CYP2C19: variants seen among roughly 807,000 people sequenced by gnomAD.
CYP2C19 encodes cytochrome P450 2C19.
Under a neutral mutation model 40.9 loss-of-function variants are expected in CYP2C19, and 59 were observed. The observed-to-expected ratio is 1.44, with a 90% confidence interval of 1.17 to 1.79. The LOEUF is 1.79. Ranked by LOEUF, CYP2C19 falls within the 40% of genes most tolerant of loss-of-function variation. The pLI is 0.00. For missense variants in CYP2C19, 754 were observed against 596.9 expected (o/e 1.26, Z -2.74); for synonymous variants, 253 against 208.7 (o/e 1.21, Z -1.83).
In CYP2C19 at chr10:94,839,941, C is replaced by G. The variant is rs905300838; in HGVS notation, c.962-2896C>G. Among the ~76,000 whole-genome samples, 3 of 152,074 alleles carry G rather than the reference C, an allele frequency of 2.0e-5. No individual in the cohort carries two copies. The East Asian group carries it at 5.8e-4, about 29-fold the overall frequency. ...GTTACCTTTTTCTAACCTTATAGCC[C>G]CATACGTTAAGATTTTTGAGTTAGT... is the stretch of plus-strand genomic sequence containing the variant. On this transcript the variant is annotated intron_variant, in intron 6 of 8. Coordinates refer to ENST00000371321, the MANE Select transcript of CYP2C19 (RefSeq NM_000769.4).
intron 1 of CYP2C19, among the ~76,000 whole-genome samples, chr10:94,766,088 A>G (rs1033037217): frequency 2.0e-5 from 3 of 152,128 alleles, no homozygotes; most frequent in Admixed American, 2.0e-4. Flanking sequence ...CATATTTAGA[A>G]GTTGGAAAGG....
chr10:94,780,707 T>G (rs1366992684), intron 4 of CYP2C19, 48 bp downstream of exon 4: 27 of 1,604,394 alleles, frequency 1.7e-5, no homozygotes, highest in Non-Finnish European at 2.2e-5. Context: ...CAGTCTTTTT[T>G]TCTGGGAAAT....
intron 5 of CYP2C19, among the ~76,000 whole-genome samples, chr10:94,805,872 T>C (rs1352710102): frequency 1.3e-5 from 2 of 152,202 alleles, no homozygotes; most frequent in Admixed American, 6.5e-5. Context: ...TCTTTGTCAG[T>C]CTTATGTGCC....
intron 1 of CYP2C19, among the ~76,000 whole-genome samples, chr10:94,767,880 G>C (rs1436265684): frequency 6.6e-6 from 1 of 152,136 alleles, no homozygotes; most frequent in African/African-American, 2.4e-5. Flanking sequence ...TAATCTCTTG[G>C]AGGGGTTTGT....
At chr10:94,833,120 C>A (rs1849356535) in intron 6 of CYP2C19, among the ~76,000 whole-genome samples, 1 of 152,168 alleles carries the variant, frequency 6.6e-6, no homozygotes, top group South Asian at 2.1e-4. Context: ...TATCCTTCAA[C>A]TTTACAGAAT....
intron 6 of CYP2C19, among the ~76,000 whole-genome samples, chr10:94,830,359 G>A (rs1849313826): frequency 6.6e-6 from 1 of 152,244 alleles, no homozygotes; most frequent in East Asian, 1.9e-4. Context: ...ATCTCGTGGT[G>A]CACCGTTTTT....
At chr10:94,766,304 T>TCGTA (rs113927974) in intron 1 of CYP2C19, among the ~76,000 whole-genome samples, 2 of 151,160 alleles carry the variant, frequency 1.3e-5, no homozygotes, top group Non-Finnish European at 2.9e-5. Context: ...GGAGGGGTGA[T>TCGTA]TGAGGTATCC....
In CYP2C19 at chr10:94,766,147, G is replaced by GT. The variant is rs58247834; in HGVS notation, c.168+3280dup. Among the ~76,000 whole-genome samples, 711 of 152,200 alleles carry GT rather than the reference G, an allele frequency of 4.7e-3. 3 individuals carry two copies. Among genetic ancestry groups the GT allele is most frequent in the African/African-American group, 0.017 (688 of 41,544 alleles). ...GGTAGGTTAATTTGGTAAAGATCCA[G>GT]TTTTTTGTGGGAATGGGGGTGGCAA... On this transcript the variant is annotated intron_variant, in intron 1 of 8. Coordinates refer to ENST00000371321, the MANE Select transcript of CYP2C19 (RefSeq NM_000769.4).
intron 5 of CYP2C19, among the ~76,000 whole-genome samples, chr10:94,787,212 C>T (rs1160163443): frequency 2.0e-5 from 3 of 151,962 alleles, no homozygotes; most frequent in Admixed American, 6.6e-5. Flanking sequence ...GAGATGATAT[C>T]TCATTGTGGT....
rs1446889938 is a variant in CYP2C19 at position 94,825,909 on chromosome 10, T to C, written c.961+5272T>C. On this transcript the variant is annotated intron_variant, in intron 6 of 8. Coordinates refer to ENST00000371321, the MANE Select transcript of CYP2C19 (RefSeq NM_000769.4). ...AGCTTTCCCAGCACCATTTATTAAA[T>C]AGGGAATCCTTTCTCCATTGCTTGT... Among the ~76,000 whole-genome samples, 5 of 151,964 alleles carry C rather than the reference T, an allele frequency of 3.3e-5. No individual in the cohort carries two copies. The East Asian group carries it at 7.7e-4, about 24-fold the overall frequency.
In CYP2C19 at chr10:94,806,081, C is replaced by A. The variant is rs147200733; in HGVS notation, c.820-14415C>A. The stretch of plus-strand genomic sequence containing the variant: ...TCTCCTTTCCACCGTCCCGTGGCAA[C>A]CAACATTCTACTTTATGTCTCTATG... On this transcript the variant is annotated intron_variant, in intron 5 of 8. Coordinates refer to ENST00000371321, the MANE Select transcript of CYP2C19 (RefSeq NM_000769.4). Among the ~76,000 whole-genome samples the A allele has an allele frequency of 3.9e-3, 587 of 150,790 alleles. 1 individual carries two copies. Among genetic ancestry groups the A allele is most frequent in the Non-Finnish European group, 5.9e-3 (400 of 67,822 alleles).
intron 3 of CYP2C19, chr10:94,776,566 C>G (rs1848410285): frequency 6.6e-6 from 1 of 152,156 alleles, no homozygotes; most frequent in Non-Finnish European, 1.5e-5. Context: ...CCTTGCTATT[C>G]ATTCAGAGTA....
At chr10:94,805,689 G>C (rs767240523) in intron 5 of CYP2C19, among the ~76,000 whole-genome samples, 8 of 152,148 alleles carry the variant, frequency 5.3e-5, no homozygotes, top group Non-Finnish European at 8.8e-5. Context: ...TTTGAGACCA[G>C]CCTGGGCAAC....
intron 5 of CYP2C19, among the ~76,000 whole-genome samples, chr10:94,795,312 G>A (rs898716941): frequency 6.6e-6 from 1 of 151,830 alleles, no homozygotes; most frequent in Non-Finnish European, 1.5e-5. Flanking sequence ...CTTCATCCAT[G>A]TCCCTACAAA....
rs1848727118 is a variant in CYP2C19, at chr10:94,798,921, A to G, written c.819+16924A>G. Among the ~76,000 whole-genome samples, 3 of 146,686 alleles carry G rather than the reference A, an allele frequency of 2.0e-5. No homozygotes were observed. In the Admixed American group the frequency reaches 2.2e-4, roughly 11 times the overall value. On this transcript the variant is annotated intron_variant, in intron 5 of 8. Coordinates refer to ENST00000371321, the MANE Select transcript of CYP2C19 (RefSeq NM_000769.4). ...CTCTGCATGTGAGATGCATCTCCTGAATACAGCACACTGATGGGTCTTGAC... is the reference window on the plus strand; with the variant it reads ...CTCTGCATGTGAGATGCATCTCCTGGATACAGCACACTGATGGGTCTTGAC...
intron 6 of CYP2C19, among the ~76,000 whole-genome samples, chr10:94,826,946 T>A (rs1258068422): frequency 6.6e-6 from 1 of 152,170 alleles, no homozygotes; most frequent in East Asian, 1.9e-4. Context: ...TTGGTTCTGT[T>A]TATATGCTGG....
At chr10:94,797,225 C>A (rs181632398) in intron 5 of CYP2C19, among the ~76,000 whole-genome samples, 1 of 151,856 alleles carries the variant, frequency 6.6e-6, no homozygotes, top group Non-Finnish European at 1.5e-5. Context: ...TTGTTGAAGG[C>A]CTTTTCTGTA....
At chr10:94,785,481 A>G (rs1219771591) in intron 5 of CYP2C19, among the ~76,000 whole-genome samples, 2 of 152,038 alleles carry the variant, frequency 1.3e-5, no homozygotes, top group Non-Finnish European at 2.9e-5. Context: ...ACAGATGTTT[A>G]GGTTTATTTC....
intron 6 of CYP2C19, among the ~76,000 whole-genome samples, chr10:94,828,543 G>C (rs1466925981): frequency 6.8e-6 from 1 of 147,496 alleles, no homozygotes; most frequent in East Asian, 2.0e-4. Flanking sequence ...CTTTTATTTT[G>C]AGCCTATGTG....
Sources: allele counts gnomAD v4.1 joint callset (sites outside exome capture counted in the v4.1 genomes callset), GRCh38; gene constraint gnomAD v4.1.1; transcripts MANE v1.5; gene names NCBI Gene and HGNC (gene_info 2026-07-23, HGNC 2026-07-21).